The following XG variants were observed in gnomAD, a reference collection of about 807,000 sequenced individuals.
XG encodes the protein Xg glycoprotein (Xg blood group).
In XG, 24 loss-of-function variants were observed where a neutral mutation model predicts 25.7. The ratio of observed to expected loss-of-function variants is 0.93; its 90% CI spans 0.68 to 1.31. The LOEUF (loss-of-function observed/expected upper bound fraction) is 1.31, where lower values mean the gene tolerates loss of function less well. Ranked by LOEUF, XG falls within the 40% of genes most tolerant of loss-of-function variation. The probability of loss-of-function intolerance (pLI) is 0.00; values close to 1 mark genes in which losing one functional copy is unlikely to be tolerated. For synonymous variants in XG, 77 were observed against 69.2 expected (o/e 1.11, Z -0.56); for missense variants, 181 against 187.6 (o/e 0.96, Z 0.21).
At chrX:2,813,397 G>A (rs3907346) in intron 10 of XG, among the ~76,000 whole-genome samples, 1 of 112,210 alleles carries the variant, frequency 8.9e-6, no homozygotes, top group African/African-American at 3.2e-5. Flanking sequence ...CAGCAAATAC[G>A]TATGGGTTTG....
At chrX:2,754,455 A>G (rs1024520029) in intron 1 of XG, among the ~76,000 whole-genome samples, 1 of 152,156 alleles carries the variant, frequency 6.6e-6, no homozygotes, top group Non-Finnish European at 1.5e-5. Flanking sequence ...GCATGGATTA[A>G]CTTAGTTGAT....
chrX:2,810,183 C>G (rs113018534), intron 9 of XG, among the ~76,000 whole-genome samples: 14 of 112,206 alleles, frequency 1.2e-4, no homozygotes, highest in African/African-American at 4.2e-4. Context: ...CTCACCTATG[C>G]CATGCCATGT....
intron 1 of XG, among the ~76,000 whole-genome samples, chrX:2,758,476 G>A (rs1430241930): frequency 1.3e-5 from 2 of 152,188 alleles, no homozygotes; most frequent in African/African-American, 4.8e-5. Flanking sequence ...CCTTTGCGTG[G>A]AGTCTCATGG....
Position 2,755,417 on chromosome X carries a change from A to C in XG, c.61+3082A>C, listed in dbSNP as rs746918434. On this transcript the variant is annotated intron_variant, in intron 1 of 10. Transcript: ENST00000644266. ...TGGTGGGAGGGTAACACTGAGGACAACCAGAGGCCACTCTCATCACCATCT... is the reference window on the plus strand; with the variant it reads ...TGGTGGGAGGGTAACACTGAGGACACCCAGAGGCCACTCTCATCACCATCT... Among the ~76,000 whole-genome samples, 4 of 152,178 alleles carry C rather than the reference A, an allele frequency of 2.6e-5. No individual in the cohort carries two copies. In the South Asian group the frequency reaches 8.3e-4, roughly 32 times the overall value.
At chrX:2,760,586 A>C (rs1473720866) in intron 1 of XG, among the ~76,000 whole-genome samples, 11 of 150,922 alleles carry the variant, frequency 7.3e-5, no homozygotes, top group Non-Finnish European at 1.6e-4. Flanking sequence ...ATACAAAAAA[A>C]AAAAAAAAAT....
intron 4 of XG, among the ~76,000 whole-genome samples, chrX:2,786,050 CTT>C (rs1436615448): frequency 9.1e-6 from 1 of 110,257 alleles, no homozygotes; most frequent in Non-Finnish European, 1.9e-5. Context: ...CCAGTGGTCT[CTT>C]TCCCTTAGAA....
At chrX:2,781,487 T>C (rs750499943) in intron 3 of XG, among the ~76,000 whole-genome samples, 1 of 86,321 alleles carries the variant, frequency 1.2e-5, no homozygotes, top group South Asian at 6.6e-4. Context: ...TAATCACTTA[T>C]GTCTTTAGAT....
In XG at chrX:2,770,024, TGG is replaced by T. The variant is rs1228784732; in HGVS notation, c.62-519_62-518del. 5.3e-4 allele frequency among the ~76,000 whole-genome samples: 15 copies of T among 28,162 alleles called. 1 individual carries two copies. The highest frequency in any genetic ancestry group is 8.1e-4 in the Admixed American group (2 of 2,480). The allele number at this position is 28,162 out of a possible 152,430, so 18.5% of individuals were successfully genotyped here. On this transcript the variant is annotated intron_variant, in intron 1 of 10. Coordinates refer to ENST00000644266, the MANE Select transcript of XG (RefSeq NM_001141919.2). ...TAGACTCTGTGCGTGTGTGGAGGGG[TGG>T]GGGGGGCGTTGGGGGGCGGGGATAT...
intron 1 of XG, chrX:2,753,042 G>A: frequency 3.4e-6 from 3 of 877,662 alleles, no homozygotes; most frequent in Non-Finnish European, 4.1e-6. Context: ...TTTCAGAGAA[G>A]GGAACACCTG....
At chrX:2,773,910 A>C (rs999874795) in intron 2 of XG, among the ~76,000 whole-genome samples, 14 of 151,824 alleles carry the variant, frequency 9.2e-5, no homozygotes, top group African/African-American at 3.4e-4. Flanking sequence ...GTGATGAGAA[A>C]CCTTCTATTA....
chrX:2,756,179 C>G (rs1349863856), intron 1 of XG, among the ~76,000 whole-genome samples: 2 of 152,158 alleles, frequency 1.3e-5, no homozygotes, highest in Non-Finnish European at 2.9e-5. Context: ...AGCAGCCCTA[C>G]ATTTCCACTG....
intron 3 of XG, among the ~76,000 whole-genome samples, chrX:2,776,830 G>T (rs1458081094): frequency 4.0e-5 from 6 of 150,390 alleles, no homozygotes; most frequent in African/African-American, 1.5e-4. Flanking sequence ...CTGGGCGACA[G>T]AGCGAGACTC....
intron 6 of XG, 37 bp from the exon 7 acceptor site, chrX:2,797,273 C>T: frequency 8.3e-7 from 1 of 1,206,914 alleles, no homozygotes; most frequent in South Asian, 1.8e-5. Context: ...GCTCAGACAC[C>T]TGAACATCCC....
At chrX:2,807,822 G>A (rs1808660658) in intron 8 of XG, among the ~76,000 whole-genome samples, 1 of 112,197 alleles carries the variant, frequency 8.9e-6, no homozygotes, top group African/African-American at 3.2e-5. Flanking sequence ...GTGCATGTCA[G>A]TGTGTGTTGC....
chrX:2,773,715 GAA>G (rs2050897806), intron 2 of XG, among the ~76,000 whole-genome samples: 1 of 10,724 alleles, frequency 9.3e-5, no homozygotes, highest in Admixed American at 9.7e-4. Context: ...AGGAGAGAAG[GAA>G]GGAAGGAGAG....
At chrX:2,773,553 A>C in intron 2 of XG, among the ~76,000 whole-genome samples, 1 of 74,534 alleles carries the variant, frequency 1.3e-5, no homozygotes, top group South Asian at 5.7e-4. Context: ...GAAGGAGAGA[A>C]GGAAGGAAGG....
intron 1 of XG, among the ~76,000 whole-genome samples, chrX:2,758,789 G>T (rs1019806745): frequency 3.9e-5 from 6 of 152,166 alleles, no homozygotes; most frequent in Non-Finnish European, 8.8e-5. Context: ...TAGGACTGAG[G>T]CTGAGGAATC....
intron 2 of XG, among the ~76,000 whole-genome samples, chrX:2,773,440 AGGGT>A (rs2050873664): frequency 1.5e-5 from 2 of 133,318 alleles, no homozygotes; most frequent in Admixed American, 7.8e-5. Flanking sequence ...GGAAGAAAGG[AGGGT>A]GGGGAGGAAG....
chrX:2,785,479 A>G (rs1365294903), intron 4 of XG, among the ~76,000 whole-genome samples: 1 of 111,286 alleles, frequency 9.0e-6, no homozygotes, highest in Non-Finnish European at 1.9e-5. Context: ...TAGCTATCTT[A>G]TTTAGAAAGA....
Sources: allele counts gnomAD v4.1 joint callset (sites outside exome capture counted in the v4.1 genomes callset), GRCh38; gene constraint gnomAD v4.1.1; transcripts MANE v1.5; gene names NCBI Gene and HGNC (gene_info 2026-07-23, HGNC 2026-07-21).